Variants in LRRC17 observed in about 807,000 individuals in gnomAD.
LRRC17 encodes leucine rich repeat containing 17.
LRRC17 carries 33 observed loss-of-function variants against 41.5 expected under a neutral mutation model. That is an observed-to-expected ratio of 0.80 (90% CI 0.60 to 1.06). LRRC17 has a LOEUF of 1.06. Among genes scored for constraint, LRRC17 ranks in the 50% least tolerant of loss-of-function variants. LRRC17 has a pLI of 0.00. For synonymous variants in LRRC17, 192 were observed against 197.0 expected (o/e 0.97, Z 0.21); for missense variants, 491 against 519.3 (o/e 0.95, Z 0.53).
chr7:102,914,677 G>A (rs1409039868), intron 1 of LRRC17, among the ~76,000 whole-genome samples: 1 of 152,154 alleles, frequency 6.6e-6, no homozygotes, highest in Non-Finnish European at 1.5e-5. Context: ...CACACATCCC[G>A]ATCTGGGAAG....
At chr7:102,933,734 A>C in intron 1 of LRRC17, 40 bp from the exon 2 acceptor site, 25 of 536,230 alleles carry the variant, frequency 4.7e-5, no homozygotes, top group Non-Finnish European at 3.9e-5. Flanking sequence ...AGTGCTTGCA[A>C]TGGGCCTTAA....
intron 1 of LRRC17, among the ~76,000 whole-genome samples, chr7:102,921,536 T>C (rs1817026368): frequency 6.6e-6 from 1 of 151,320 alleles, no homozygotes; most frequent in South Asian, 2.1e-4. Context: ...AAAAATTAGC[T>C]GGGTGTTGTG....
intron 1 of LRRC17, among the ~76,000 whole-genome samples, chr7:102,929,095 T>G (rs748123692): frequency 6.6e-6 from 1 of 152,202 alleles, no homozygotes; most frequent in African/African-American, 2.4e-5. Flanking sequence ...CTAATTTAAA[T>G]GCTGACTCTG....
chr7:102,924,641 CTTTTT>C (rs71106699), intron 1 of LRRC17, among the ~76,000 whole-genome samples: 2 of 121,044 alleles, frequency 1.7e-5, no homozygotes, highest in Admixed American at 1.9e-4. Flanking sequence ...GTAAGCTTTT[CTTTTT>C]TTTTTTTTTT....
At chr7:102,942,670 A>T (rs1821686800) in intron 3 of LRRC17, among the ~76,000 whole-genome samples, 1 of 152,218 alleles carries the variant, frequency 6.6e-6, no homozygotes, top group Non-Finnish European at 1.5e-5. Context: ...TCTTCAGAAC[A>T]CAAGGGCTGA....
chr7:102,931,755 A>G, intron 1 of LRRC17: 1 of 781,320 alleles, frequency 1.3e-6, no homozygotes, highest in Non-Finnish European at 2.1e-6. Context: ...GTCAATGTTT[A>G]ACATAGTTTG....
At chr7:102,938,267 G>A (rs1262022515) in intron 2 of LRRC17, among the ~76,000 whole-genome samples, 1 of 152,100 alleles carries the variant, frequency 6.6e-6, no homozygotes, top group East Asian at 1.9e-4. Flanking sequence ...ATCAGATGGG[G>A]GAGAATTACG....
intron 2 of LRRC17, among the ~76,000 whole-genome samples, chr7:102,935,242 C>CTTTTTTTTTTTTTTT (rs71106700): frequency 5.6e-4 from 43 of 76,418 alleles, no homozygotes; most frequent in East Asian, 1.6e-3. Context: ...TTTTTTCTTT[C>CTTTTTTTTTTTTTTT]TTTTTTTTTT....
In LRRC17 at chr7:102,944,461, A is replaced by G. The variant is rs749095531; in HGVS notation, c.1180A>G (p.Arg394Gly). 2.5e-6 allele frequency: 4 copies of G among 1,614,112 alleles called. No individual in the cohort carries two copies. The highest frequency in any genetic ancestry group is 1.1e-5 in the South Asian group (1 of 91,076). The part of the protein sequence containing the change: ...YKGWSVGKYI[R>G]SYYEECPKDK... ...AGGATGGTCTGTGGGAAAATATATT[A>G]GAAGTTACTATGAAGAATGCCCCAA... is the stretch of plus-strand genomic sequence containing the variant. Residue 394 changes from arginine (R) to glycine (G), a missense_variant, in exon 4 of 4, where the codon AGA (arginine) becomes GGA (glycine). Physicochemically the swap from Arg to Gly is moderately radical, Grantham distance 125. Transcript: ENST00000339431.
intron 3 of LRRC17, among the ~76,000 whole-genome samples, chr7:102,943,807 C>A (rs1351172467): frequency 1.3e-5 from 2 of 152,174 alleles, no homozygotes; most frequent in Non-Finnish European, 2.9e-5. Context: ...AATGGAGTGA[C>A]CATCTGTGTT....
intron 1 of LRRC17, among the ~76,000 whole-genome samples, chr7:102,922,910 G>A (rs952258784): frequency 3.9e-4 from 60 of 152,068 alleles, no homozygotes; most frequent in African/African-American, 1.1e-3. Flanking sequence ...CCCGGGAGGC[G>A]GAGCTTGCAG....
chr7:102,920,745 A>C (rs1816809201), intron 1 of LRRC17, among the ~76,000 whole-genome samples: 1 of 152,240 alleles, frequency 6.6e-6, no homozygotes, highest in South Asian at 2.1e-4. Flanking sequence ...TACATGCTAC[A>C]TATAAAAGAT....
At chr7:102,928,959 G>C (rs1039220132) in intron 1 of LRRC17, among the ~76,000 whole-genome samples, 5 of 152,192 alleles carry the variant, frequency 3.3e-5, no homozygotes, top group Non-Finnish European at 5.9e-5. Context: ...TCTTGCGGAT[G>C]ACCCTGAAGG....
intron 1 of LRRC17, among the ~76,000 whole-genome samples, chr7:102,929,498 CA>C (rs963074191): frequency 6.6e-6 from 1 of 151,250 alleles, no homozygotes; most frequent in Non-Finnish European, 1.5e-5. Flanking sequence ...CCCATCTCTA[CA>C]AAAAAAATTC....
rs376881631 is a variant in LRRC17, at chr7:102,944,739, A to G, written c.*132A>G. 16 of 774,948 alleles carry G rather than the reference A, an allele frequency of 2.1e-5. No individual in the cohort carries two copies. The highest frequency in any genetic ancestry group is 2.7e-5 in the East Asian group (1 of 37,096). 48.0% of individuals were successfully genotyped at this position (774,948 alleles called of 1,614,324 possible). Reference sequence around the variant, plus strand: ...CAGCTAAAGGAAGCTTTCTTTAATTATAAGTATTATTGTGACTATTATAGT... The same window carrying G: ...CAGCTAAAGGAAGCTTTCTTTAATTGTAAGTATTATTGTGACTATTATAGT... On this transcript the variant is annotated 3_prime_UTR_variant, in exon 4 of 4. Transcript: ENST00000339431.
intron 2 of LRRC17, among the ~76,000 whole-genome samples, chr7:102,937,106 TAC>T (rs1820471693): frequency 6.6e-6 from 1 of 152,178 alleles, no homozygotes; most frequent in African/African-American, 2.4e-5. Context: ...TTTCATGACA[TAC>T]ACACTTAGTA....
intron 1 of LRRC17, among the ~76,000 whole-genome samples, chr7:102,925,993 G>C (rs1005200724): frequency 2.7e-5 from 4 of 149,214 alleles, no homozygotes; most frequent in African/African-American, 9.8e-5. Context: ...GTAAGGGCCA[G>C]AAAGCTTGAA....
At chr7:102,914,057 C>T (rs1182460882) in intron 1 of LRRC17, among the ~76,000 whole-genome samples, 1 of 152,110 alleles carries the variant, frequency 6.6e-6, no homozygotes, top group Admixed American at 6.6e-5. Context: ...CCCAAGCCCT[C>T]CAAAGCCTGG....
intron 1 of LRRC17, among the ~76,000 whole-genome samples, chr7:102,928,116 C>T (rs550087951): frequency 2.2e-4 from 33 of 152,298 alleles, no homozygotes; most frequent in African/African-American, 7.2e-4. Flanking sequence ...CCATTCTTTG[C>T]ATTTTCCTGT....
Sources: allele counts gnomAD v4.1 joint callset (sites outside exome capture counted in the v4.1 genomes callset), GRCh38; gene constraint gnomAD v4.1.1; transcripts MANE v1.5; gene names NCBI Gene and HGNC (gene_info 2026-07-23, HGNC 2026-07-21).